Variants in ADGB observed in about 807,000 individuals in gnomAD.
ADGB encodes androglobin.
ADGB carries 172 observed loss-of-function variants against 210.5 expected under a neutral mutation model. That is an observed-to-expected ratio of 0.82 (90% CI 0.72 to 0.93). The LOEUF (loss-of-function observed/expected upper bound fraction) is 0.93, where lower values mean the gene tolerates loss of function less well. Among genes scored for constraint, ADGB ranks in the 40% least tolerant of loss-of-function variants. The probability of loss-of-function intolerance (pLI) is 0.00; values close to 1 mark genes in which losing one functional copy is unlikely to be tolerated. For synonymous variants in ADGB, 658 were observed against 662.7 expected, an observed-to-expected ratio of 0.99 and a Z score of 0.11; for missense variants, 2,025 against 1,964.8, an observed-to-expected ratio of 1.03 and a Z score of -0.58.
At chr6:146,674,568 A>T (rs1188945138) in intron 8 of ADGB, among the ~76,000 whole-genome samples, 1 of 152,170 alleles carries the variant, frequency 6.6e-6, no homozygotes, top group Non-Finnish European at 1.5e-5. Context: ...GTAGGAGAAG[A>T]TGAGGACTTC....
chr6:146,758,292 A>G (rs932668065), intron 27 of ADGB, among the ~76,000 whole-genome samples: 17 of 152,158 alleles, frequency 1.1e-4, no homozygotes, highest in African/African-American at 3.6e-4. Context: ...CACCGGTATT[A>G]TAGTTTAGTT....
At chr6:146,632,685 A>AGTAG (rs1030906556) in intron 1 of ADGB, among the ~76,000 whole-genome samples, 20 of 152,196 alleles carry the variant, frequency 1.3e-4, no homozygotes, top group African/African-American at 4.8e-4. Context: ...TATATTTCTC[A>AGTAG]GTAGGTAGTC....
chr6:146,669,183 C>T (rs1775974329), intron 7 of ADGB, among the ~76,000 whole-genome samples: 2 of 151,984 alleles, frequency 1.3e-5, no homozygotes, highest in Admixed American at 6.6e-5. Flanking sequence ...CCAGAGCTGT[C>T]ATGGGATCAA....
intron 35 of ADGB, among the ~76,000 whole-genome samples, chr6:146,807,004 T>G (rs1021981486): frequency 1.3e-5 from 2 of 152,212 alleles, no homozygotes; most frequent in Non-Finnish European, 2.9e-5. Context: ...TCATCAAGTA[T>G]AGCTCATATA....
intron 3 of ADGB, among the ~76,000 whole-genome samples, chr6:146,649,241 G>A (rs1404420850): frequency 2.0e-5 from 3 of 149,386 alleles, no homozygotes; most frequent in Non-Finnish European, 3.0e-5. Flanking sequence ...AGTGAAATAC[G>A]TGGGCATTTT....
At chr6:146,745,348 T>TC (rs1562290378) in intron 25 of ADGB, among the ~76,000 whole-genome samples, 1 of 152,156 alleles carries the variant, frequency 6.6e-6, no homozygotes, top group East Asian at 1.9e-4. Context: ...ACCAAGCTCT[T>TC]CCCCATCATA....
chr6:146,718,001 C>A (rs1207427190), intron 16 of ADGB, among the ~76,000 whole-genome samples: 1 of 152,122 alleles, frequency 6.6e-6, no homozygotes, highest in Non-Finnish European at 1.5e-5. Context: ...CATCCCTCTG[C>A]CAGGAGTTTC....
At chr6:146,618,723 T>C (rs1019264319) in intron 1 of ADGB, among the ~76,000 whole-genome samples, 5 of 152,114 alleles carry the variant, frequency 3.3e-5, no homozygotes, top group Non-Finnish European at 7.4e-5. Context: ...ATACTTGATA[T>C]GATTTTGATT....
At chr6:146,715,331 G>T in intron 13 of ADGB, 51 bp from the exon 14 acceptor site, 1 of 1,370,342 alleles carries the variant, frequency 7.3e-7, no homozygotes. Flanking sequence ...TGGTGCTTTG[G>T]ATAGCTGTAA....
intron 5 of ADGB, among the ~76,000 whole-genome samples, chr6:146,659,335 A>G (rs987326920): frequency 2.0e-5 from 3 of 152,102 alleles, no homozygotes; most frequent in Non-Finnish European, 4.4e-5. Flanking sequence ...TATACCCTAC[A>G]TTTATTTTCT....
At chr6:146,764,993 G>A (rs1196687483) in intron 28 of ADGB, among the ~76,000 whole-genome samples, 1 of 152,114 alleles carries the variant, frequency 6.6e-6, no homozygotes, top group Non-Finnish European at 1.5e-5. Flanking sequence ...TAGAGACAGG[G>A]TTTCACCATG....
rs557944414 is a variant in ADGB, at chr6:146,778,123, A to AG, written c.3863-3894dup. 1.3e-3 allele frequency among the ~76,000 whole-genome samples: 194 copies of AG among 152,322 alleles called. 4 individuals carry two copies. The South Asian group carries it at 0.018, about 14-fold the overall frequency. The stretch of plus-strand genomic sequence containing the variant: ...TTGGCTTATCTAAAGTGGGCCACAA[A>AG]GGGAGCTCTAAAATTCTGTTAATCC... On this transcript the variant is annotated intron_variant, in intron 29 of 35. Coordinates refer to ENST00000397944, the MANE Select transcript of ADGB (RefSeq NM_024694.4).
At chr6:146,770,230 ATC>A (rs2114632215) in intron 29 of ADGB, among the ~76,000 whole-genome samples, 1 of 152,326 alleles carries the variant, frequency 6.6e-6, no homozygotes, top group East Asian at 1.9e-4. Flanking sequence ...TGCTTCTATT[ATC>A]TGCCTGGACC....
chr6:146,754,170 T>C (rs985620378), intron 27 of ADGB, among the ~76,000 whole-genome samples: 1 of 151,350 alleles, frequency 6.6e-6, no homozygotes, highest in Non-Finnish European at 1.5e-5. Flanking sequence ...TTCCAATGTA[T>C]CTGCATAAAT....
At chr6:146,740,719 C>A in intron 24 of ADGB, 126 bp downstream of exon 24, 1 of 860,016 alleles carries the variant, frequency 1.2e-6, no homozygotes. Flanking sequence ...TAAAATTCTT[C>A]CACACTTGGC....
At chr6:146,710,786 C>T (rs1004503880) in intron 13 of ADGB, among the ~76,000 whole-genome samples, 2 of 152,154 alleles carry the variant, frequency 1.3e-5, no homozygotes, top group African/African-American at 2.4e-5. Context: ...GCATGCCCTA[C>T]ACCTCCTCAT....
At chr6:146,647,403 G>T (rs191285759) in intron 3 of ADGB, among the ~76,000 whole-genome samples, 1 of 151,980 alleles carries the variant, frequency 6.6e-6, no homozygotes, top group Non-Finnish European at 1.5e-5. Flanking sequence ...AGCCCATTTA[G>T]ATAACCTAGA....
chr6:146,630,174 T>C (rs971364319), intron 1 of ADGB, among the ~76,000 whole-genome samples: 10 of 151,826 alleles, frequency 6.6e-5, no homozygotes, highest in African/African-American at 2.4e-4. Flanking sequence ...GAGGCGGAGG[T>C]TGCAGTGAGC....
At chr6:146,718,927 C>T (rs1776774769) in intron 16 of ADGB, among the ~76,000 whole-genome samples, 1 of 122,056 alleles carries the variant, frequency 8.2e-6, no homozygotes, top group East Asian at 2.7e-4. Context: ...AATACTTTGA[C>T]TTTATAGAGA....
Sources: gnomAD v4.1 joint callset for allele counts (sites outside exome capture counted in the v4.1 genomes callset) on GRCh38, gnomAD v4.1.1 for gene constraint, MANE v1.5 for transcripts, NCBI Gene and HGNC (gene_info 2026-07-23, HGNC 2026-07-21) for gene names.